The following KLHL14 variants were observed in gnomAD, a reference collection of about 807,000 sequenced individuals.
KLHL14 encodes kelch like family member 14.
In KLHL14, 22 loss-of-function variants were observed where a neutral mutation model predicts 64.3. The ratio of observed to expected loss-of-function variants is 0.34; its 90% CI spans 0.24 to 0.49. The LOEUF is 0.49. Among genes scored for constraint, KLHL14 ranks in the 20% least tolerant of loss-of-function variants. KLHL14 has a pLI of 0.99. For missense variants in KLHL14, 661 were observed against 789.0 expected (o/e 0.84, Z 1.94); for synonymous variants, 322 against 333.4 (o/e 0.97, Z 0.37).
chr18:32,708,318 G>T (rs563620299), intron 3 of KLHL14, among the ~76,000 whole-genome samples: 1 of 152,040 alleles, frequency 6.6e-6, no homozygotes, highest in African/African-American at 2.4e-5. Flanking sequence ...TGGCATTATC[G>T]CCCTTTTTAT....
chr18:32,677,319 G>T lies in KLHL14; in HGVS notation c.1600C>A (p.Leu534Ile), dbSNP rs2049816478. ...TAGCATTCCACAAGCATTACATCAA[G>T]GTGGGAGAAACCTAAGTGACAGAAC... ...GGNHLKGFSH[L>I]DVMLVECYDP... is the part of the protein sequence containing the mutation. The change falls in exon 8 of 9, where the codon CTT (leucine) becomes ATT (isoleucine). Residue 534 changes from leucine to isoleucine, a missense_variant. Leu to Ile is a conservative substitution (Grantham distance 5). Coordinates refer to ENST00000359358, the MANE Select transcript of KLHL14 (RefSeq NM_020805.3). 6.2e-7 allele frequency: 1 copy of T among 1,611,418 alleles called. No individual in the cohort carries two copies. Among genetic ancestry groups the T allele is most frequent in the Admixed American group, 1.7e-5 (1 of 59,618 alleles).
intron 2 of KLHL14, among the ~76,000 whole-genome samples, chr18:32,760,447 T>C (rs1422461441): frequency 7.2e-5 from 11 of 152,186 alleles, no homozygotes; most frequent in Admixed American, 7.2e-4. Flanking sequence ...TTCTCAGATA[T>C]TGCTGCTTTC....
At chr18:32,710,344 G>A (rs903781905) in intron 3 of KLHL14, among the ~76,000 whole-genome samples, 7 of 152,158 alleles carry the variant, frequency 4.6e-5, no homozygotes, top group African/African-American at 1.7e-4. Context: ...ACTATTTTGA[G>A]TTATAGGGAG....
intron 2 of KLHL14, among the ~76,000 whole-genome samples, chr18:32,746,442 T>C (rs11874151): frequency 0.033 from 4,966 of 152,278 alleles, 255 homozygotes; most frequent in African/African-American, 0.11. Context: ...GGATGAATGA[T>C]TGAAGGATGA....
intron 3 of KLHL14, among the ~76,000 whole-genome samples, chr18:32,715,019 C>A (rs751430796): frequency 3.3e-5 from 5 of 152,038 alleles, no homozygotes; most frequent in Non-Finnish European, 7.4e-5. Flanking sequence ...TCACAGCAAC[C>A]TATTTTTGAA....
At chr18:32,727,670 C>T (rs1458937986) in intron 3 of KLHL14, among the ~76,000 whole-genome samples, 1 of 152,130 alleles carries the variant, frequency 6.6e-6, no homozygotes, top group Non-Finnish European at 1.5e-5. Context: ...AAAATGAAAG[C>T]TCTAAAGTGG....
chr18:32,678,259 CT>C (rs1165027550), intron 7 of KLHL14, among the ~76,000 whole-genome samples: 4 of 152,154 alleles, frequency 2.6e-5, no homozygotes, highest in Admixed American at 6.5e-5. Flanking sequence ...ATGTTTTTAT[CT>C]ATTTTTCCCG....
chr18:32,677,582 A>G (rs2049817820), intron 7 of KLHL14, among the ~76,000 whole-genome samples: 1 of 152,204 alleles, frequency 6.6e-6, no homozygotes, highest in Non-Finnish European at 1.5e-5. Flanking sequence ...GGTTGATTAT[A>G]TGTGGATAGA....
intron 3 of KLHL14, among the ~76,000 whole-genome samples, chr18:32,702,265 A>G (rs1056328880): frequency 6.6e-6 from 1 of 152,092 alleles, no homozygotes; most frequent in Non-Finnish European, 1.5e-5. Flanking sequence ...GCTGTTGAAA[A>G]CAAATAACCT....
At chr18:32,725,948 T>C (rs2050105814) in intron 3 of KLHL14, among the ~76,000 whole-genome samples, 1 of 152,218 alleles carries the variant, frequency 6.6e-6, no homozygotes, top group Non-Finnish European at 1.5e-5. Context: ...ATCATACAGT[T>C]GATGTGAGGA....
intron 8 of KLHL14, among the ~76,000 whole-genome samples, chr18:32,676,320 A>G (rs184228401): frequency 1.3e-5 from 2 of 152,252 alleles, no homozygotes; most frequent in East Asian, 3.9e-4. Context: ...CAAGGAGTCA[A>G]TGGCATGAAA....
intron 2 of KLHL14, among the ~76,000 whole-genome samples, chr18:32,748,657 T>C (rs1472168128): frequency 6.6e-6 from 1 of 150,450 alleles, no homozygotes; most frequent in African/African-American, 2.5e-5. Context: ...CCAGGCTTTT[T>C]TTTTTTTTTT....
In KLHL14 at chr18:32,770,622, A is replaced by AC. The variant is rs769753438; in HGVS notation, c.-32dup. 1 of 1,099,876 alleles carries AC rather than the reference A, an allele frequency of 9.1e-7. No homozygotes were observed. The highest frequency in any genetic ancestry group is 1.2e-6 in the Non-Finnish European group (1 of 857,248). 68.1% of individuals were successfully genotyped at this position (1,099,876 alleles called of 1,614,324 possible). A position where few individuals can be genotyped will look rare whatever the true frequency, so the allele number is the denominator to read the frequency against. On this transcript the variant is annotated 5_prime_UTR_variant, in exon 2 of 9. Transcript: ENST00000359358. The surrounding 1 kb of genome is among the most constrained non-coding windows in gnomAD (Gnocchi z 6.7). ...GCTGACTCGGTGCACCTGGCTTTAA[A>AC]CCCTCCTCCAACCTGGCAGACAGGG...
chr18:32,752,745 C>T (rs998058357), intron 2 of KLHL14, among the ~76,000 whole-genome samples: 1 of 151,090 alleles, frequency 6.6e-6, no homozygotes, highest in Non-Finnish European at 1.5e-5. Context: ...CCTTAAAAAT[C>T]CCAGGCTATT....
intron 8 of KLHL14, among the ~76,000 whole-genome samples, chr18:32,675,675 C>A (rs13381681): frequency 0.26 from 40,244 of 151,972 alleles, 5,434 homozygotes; most frequent in African/African-American, 0.31. Context: ...CTTGTGTAAC[C>A]TTTTCCTCCC....
intron 4 of KLHL14, among the ~76,000 whole-genome samples, chr18:32,690,019 C>T (rs2049899160): frequency 1.3e-5 from 2 of 151,608 alleles, no homozygotes; most frequent in South Asian, 4.2e-4. Context: ...TTTAGCTACT[C>T]AGGGGCAGGG....
At position 32,741,516 on chromosome 18, in the gene KLHL14, C is replaced by A. The variant is rs111656234; in HGVS notation, c.1069+412G>T. Among the ~76,000 whole-genome samples the A allele has an allele frequency of 5.5e-3, 844 of 152,304 alleles. 9 individuals are homozygous for A. Among genetic ancestry groups the A allele is most frequent in the Admixed American group, 0.023 (351 of 15,302 alleles). On this transcript the variant is annotated intron_variant, in intron 3 of 8. Transcript: ENST00000359358. ...ATGAGCAAAAATGCCTAAAAAGCAA[C>A]ATGAATGTTAGTTACAGAGACAGTG...
chr18:32,702,693 T>A (rs946633037), intron 3 of KLHL14, among the ~76,000 whole-genome samples: 1 of 152,206 alleles, frequency 6.6e-6, no homozygotes, highest in African/African-American at 2.4e-5. Context: ...TATTTGGGGA[T>A]GATTTTATCA....
At chr18:32,704,012 C>T (rs904910279) in intron 3 of KLHL14, among the ~76,000 whole-genome samples, 6 of 152,076 alleles carry the variant, frequency 3.9e-5, no homozygotes, top group Non-Finnish European at 7.4e-5. Context: ...TCTTCCTGAT[C>T]ATATTTTTCT....
Sources: allele counts gnomAD v4.1 joint callset (sites outside exome capture counted in the v4.1 genomes callset), GRCh38; gene constraint gnomAD v4.1.1; non-coding constraint Gnocchi (gnomAD v3.1); transcripts MANE v1.5; gene names NCBI Gene and HGNC (gene_info 2026-07-23, HGNC 2026-07-21).